AP1M1: variants seen among roughly 807,000 people sequenced by gnomAD.
AP1M1 encodes the protein adaptor related protein complex 1 subunit mu 1.
In AP1M1, 18 loss-of-function variants were observed where a neutral mutation model predicts 57.1. The ratio of observed to expected loss-of-function variants is 0.32; its 90% CI spans 0.22 to 0.47. AP1M1 has a LOEUF of 0.47. Among genes scored for constraint, AP1M1 ranks in the 20% least tolerant of loss-of-function variants. AP1M1 has a pLI of 1.00. For missense variants in AP1M1, 362 were observed against 593.5 expected (o/e 0.61, Z 4.05); for synonymous variants, 241 against 237.9 (o/e 1.01, Z -0.12).
intron 5 of AP1M1, among the ~76,000 whole-genome samples, chr19:16,220,694 A>C (rs931288582): frequency 6.6e-6 from 1 of 152,148 alleles, no homozygotes; most frequent in Non-Finnish European, 1.5e-5. Flanking sequence ...CCCAGCCCTA[A>C]AAAGGTTTTT....
At position 16,206,921 on chromosome 19, in the gene AP1M1, C is replaced by T. The variant is rs1568348329; in HGVS notation, c.267+513C>T. On this transcript the variant is annotated intron_variant, in intron 3 of 11. Transcript: ENST00000291439. The surrounding 1 kb of genome is among the most constrained non-coding windows in gnomAD (Gnocchi z 4.3). ...TGTGTGGTGCAGCTAGGGAGGCCAG[C>T]GTGCGTGTGGCAGAGTATGAGGCTG... 6.6e-6 allele frequency among the ~76,000 whole-genome samples: 1 copy of T among 152,158 alleles called. No homozygotes were observed. The highest frequency in any genetic ancestry group is 1.5e-5 in the Non-Finnish European group (1 of 68,024).
At chr19:16,208,528 C>A (rs769300953) in intron 4 of AP1M1, among the ~76,000 whole-genome samples, 1 of 152,088 alleles carries the variant, frequency 6.6e-6, no homozygotes, top group Non-Finnish European at 1.5e-5. Context: ...TCCTGGGGGC[C>A]GGGCCCCAGC....
rs2091630820 is a variant in AP1M1, at chr19:16,237,801, G to A, written c.*3366G>A. On this transcript the variant is annotated 3_prime_UTR_variant, in exon 12 of 12. Coordinates refer to ENST00000291439, the MANE Select transcript of AP1M1 (RefSeq NM_032493.4). ...CAGGAAATATGTACACATAAACCAA[G>A]ACCACAGTTAGATGCTATTTGCATC... The A allele has an allele frequency of 6.6e-6, 1 of 151,626 alleles. No homozygotes were observed. Among genetic ancestry groups the A allele is most frequent in the South Asian group, 2.1e-4 (1 of 4,798 alleles). 9.4% of individuals were successfully genotyped at this position (151,626 alleles called of 1,614,324 possible). A position where few individuals can be genotyped will look rare whatever the true frequency, so the allele number is the denominator to read the frequency against.
intron 5 of AP1M1, among the ~76,000 whole-genome samples, chr19:16,215,053 A>G (rs7408127): frequency 0.06 from 9,065 of 151,172 alleles, 593 homozygotes; most frequent in East Asian, 0.27. Flanking sequence ...CAAGTTGAAA[A>G]CGATCTCATT....
rs1453865805 is a variant in AP1M1, at chr19:16,203,889, G to A, written c.199+274G>A. On this transcript the variant is annotated intron_variant, in intron 2 of 11. Transcript: ENST00000291439. The surrounding 1 kb of genome is among the most constrained non-coding windows in gnomAD (Gnocchi z 4.6). The stretch of plus-strand genomic sequence containing the variant: ...CACCCTGGAGGAAGCCTGCAGGGAG[G>A]CCTGGCTTCTGCCAGCTGGAGGGGT... Among the ~76,000 whole-genome samples the A allele has an allele frequency of 1.3e-5, 2 of 152,174 alleles. No homozygotes were observed. The highest frequency in any genetic ancestry group is 3.9e-4 in the East Asian group (2 of 5,188).
At chr19:16,216,113 T>C (rs1308843934) in intron 5 of AP1M1, among the ~76,000 whole-genome samples, 1 of 152,226 alleles carries the variant, frequency 6.6e-6, no homozygotes, top group Non-Finnish European at 1.5e-5. Context: ...GTTTCAATGT[T>C]CCTAATCTCA....
intron 10 of AP1M1, 78 bp from the exon 11 acceptor site, chr19:16,234,121 G>T (rs2091612072): frequency 3.5e-6 from 5 of 1,427,992 alleles, no homozygotes; most frequent in Non-Finnish European, 4.7e-6. Flanking sequence ...GCCCCAGGCT[G>T]CCCCAGCAGG....
At position 16,227,602 on chromosome 19, in the gene AP1M1, G is replaced by A. The variant is rs777016904; in HGVS notation, c.728G>A (p.Arg243Gln). 5.0e-6 allele frequency: 8 copies of A among 1,614,072 alleles called. No homozygotes were observed. Among genetic ancestry groups the A allele is most frequent in the Non-Finnish European group, 6.8e-6 (8 of 1,179,958 alleles). The change falls in exon 7 of 12, where the codon CGG (arginine) becomes CAG (glutamine). Residue 243 changes from arginine (R) to glutamine (Q), a missense_variant. By Grantham distance (43) the Arg-to-Gln change is conservative. Transcript: ENST00000291439. The surrounding 1 kb of genome is among the most constrained non-coding windows in gnomAD (Gnocchi z 6.2). ...LEDVKFHQCVRLSRFENDRTI... is the reference protein window; with the variant it reads ...LEDVKFHQCVQLSRFENDRTI... Reference sequence around the variant, plus strand: ...GATGTGAAGTTCCACCAGTGTGTGCGGCTATCACGCTTCGAGAATGACCGC... The same window carrying A: ...GATGTGAAGTTCCACCAGTGTGTGCAGCTATCACGCTTCGAGAATGACCGC...
At position 16,221,738 on chromosome 19, in the gene AP1M1, C is replaced by T. The variant is rs375759069; in HGVS notation, c.547-4683C>T. ...TTATTTCTAACACTTATGATTTATT[C>T]TTTAGTGAGAAGGGAAACTTTGAAG... On this transcript the variant is annotated intron_variant, in intron 5 of 11. Transcript: ENST00000291439. Among the ~76,000 whole-genome samples, 17 of 152,282 alleles carry T rather than the reference C, an allele frequency of 1.1e-4. 1 individual carries two copies. The East Asian group carries it at 3.1e-3, about 28-fold the overall frequency.
chr19:16,237,579 C>CA lies in AP1M1; in HGVS notation c.*3148dup, dbSNP rs2091629958. 1 of 150,660 alleles carries CA rather than the reference C, an allele frequency of 6.6e-6. No individual in the cohort carries two copies. The highest frequency in any genetic ancestry group is 1.5e-5 in the Non-Finnish European group (1 of 67,650). The allele number at this position is 150,660 out of a possible 1,614,324, so 9.3% of individuals were successfully genotyped here. A position where few individuals can be genotyped will look rare whatever the true frequency, so the allele number is the denominator to read the frequency against. ...GAGACCCCATCTCTACTAAAAATAC[C>CA]AAAATTAGCCAGGCATGGTGGCGGG... On this transcript the variant is annotated 3_prime_UTR_variant, in exon 12 of 12. Transcript: ENST00000291439.
chr19:16,206,212 T>C lies in AP1M1; in HGVS notation c.200-129T>C. On this transcript the variant is annotated intron_variant, in intron 2 of 11. Transcript: ENST00000291439. This position sits in a 1 kb window ranked among gnomAD's most constrained non-coding sequence, Gnocchi z 4.3. ...GCTTTGTAGCCCACCATGGGCCAAGTAAACGGCTGGGAGTGGGGATAGGGA... is the reference window on the plus strand; with the variant it reads ...GCTTTGTAGCCCACCATGGGCCAAGCAAACGGCTGGGAGTGGGGATAGGGA... The C allele has an allele frequency of 2.1e-6, 2 of 933,024 alleles. No individual in the cohort carries two copies. The highest frequency in any genetic ancestry group is 4.2e-5 in the Admixed American group (2 of 47,764). 57.8% of individuals were successfully genotyped at this position (933,024 alleles called of 1,614,324 possible).
chr19:16,203,389 C>G lies in AP1M1; in HGVS notation c.43-70C>G. On this transcript the variant is annotated intron_variant, in intron 1 of 11. Coordinates refer to ENST00000291439, the MANE Select transcript of AP1M1 (RefSeq NM_032493.4). This position sits in a 1 kb window ranked among gnomAD's most constrained non-coding sequence, Gnocchi z 4.6. Reference sequence around the variant, plus strand: ...AGCGAAGCAGGGTGGTGCATCTCACCCCCTGCCCCAAGCCCCCAGATTGTA... The same window carrying G: ...AGCGAAGCAGGGTGGTGCATCTCACGCCCTGCCCCAAGCCCCCAGATTGTA... 2 of 1,539,438 alleles carry G rather than the reference C, an allele frequency of 1.3e-6. No homozygotes were observed. The highest frequency in any genetic ancestry group is 1.8e-6 in the Non-Finnish European group (2 of 1,115,484).
At chr19:16,213,712 C>T (rs1395550413) in intron 5 of AP1M1, among the ~76,000 whole-genome samples, 2 of 152,116 alleles carry the variant, frequency 1.3e-5, no homozygotes, top group Non-Finnish European at 2.9e-5. Flanking sequence ...AGGCTGGTCT[C>T]GAACTCCTGA....
chr19:16,225,658 G>A (rs1229563753), intron 5 of AP1M1, among the ~76,000 whole-genome samples: 4 of 152,214 alleles, frequency 2.6e-5, no homozygotes, highest in Non-Finnish European at 5.9e-5. Context: ...TGCCCCAGAG[G>A]TTGTCGAGGC....
At chr19:16,225,117 C>T (rs774883210) in intron 5 of AP1M1, among the ~76,000 whole-genome samples, 2 of 152,208 alleles carry the variant, frequency 1.3e-5, no homozygotes, top group Admixed American at 6.5e-5. Context: ...TGTCCGGTTC[C>T]CTGCCCCTCC....
At chr19:16,220,115 G>T (rs1051110311) in intron 5 of AP1M1, among the ~76,000 whole-genome samples, 2 of 152,190 alleles carry the variant, frequency 1.3e-5, no homozygotes, top group East Asian at 3.8e-4. Flanking sequence ...TAGAATCCAT[G>T]TTAATTCTTT....
rs111686975 is a variant in AP1M1 at position 16,233,623 on chromosome 19, G to A, written c.1173+5G>A. On this transcript the variant is annotated splice_donor_5th_base_variant and intron_variant, in intron 10 of 11. Transcript: ENST00000291439. ...TTCACTACCTCCGGCATCCAGGTAC[G>A]TAAGGCCCAGGCGGCCGGGGCCCAG... is the stretch of plus-strand genomic sequence containing the variant. 74 of 1,609,130 alleles carry A rather than the reference G, an allele frequency of 4.6e-5. 1 individual carries two copies. The highest frequency in any genetic ancestry group is 1.6e-4 in the African/African-American group (12 of 74,986).
At chr19:16,201,043 C>T (rs2091444747) in intron 1 of AP1M1, among the ~76,000 whole-genome samples, 1 of 152,196 alleles carries the variant, frequency 6.6e-6, no homozygotes, top group African/African-American at 2.4e-5. Context: ...ATTCAGCATT[C>T]TTCTAAATGC....
intron 5 of AP1M1, among the ~76,000 whole-genome samples, chr19:16,214,884 G>A (rs1352671800): frequency 6.6e-6 from 1 of 151,854 alleles, no homozygotes. Flanking sequence ...AATTGGCTGG[G>A]ACTATAGGCA....
Sources: gnomAD v4.1 joint callset for allele counts (sites outside exome capture counted in the v4.1 genomes callset) on GRCh38, gnomAD v4.1.1 for gene constraint, Gnocchi (gnomAD v3.1) non-coding constraint, MANE v1.5 for transcripts, NCBI Gene and HGNC (gene_info 2026-07-23, HGNC 2026-07-21) for gene names.